The following NRXN3 variants were observed in gnomAD, a reference collection of about 807,000 sequenced individuals.
NRXN3 encodes the protein neurexin 3.
A neutral mutation model predicts 137.6 loss-of-function variants in NRXN3; 32 were observed. That is an observed-to-expected ratio of 0.23 (90% CI 0.18 to 0.31). NRXN3 has a LOEUF of 0.31. Among genes scored for constraint, NRXN3 ranks in the 10% least tolerant of loss-of-function variants. The probability of loss-of-function intolerance (pLI) is 1.00; values close to 1 mark genes in which losing one functional copy is unlikely to be tolerated. For synonymous variants in NRXN3, 798 were observed against 784.5 expected (o/e 1.02, Z -0.29); for missense variants, 1,574 against 2,062.5 (o/e 0.76, Z 4.59).
At chr14:78,252,142 T>G (rs2068728229) in intron 2 of NRXN3, among the ~76,000 whole-genome samples, 1 of 152,050 alleles carries the variant, frequency 6.6e-6, no homozygotes, top group Non-Finnish European at 1.5e-5. Flanking sequence ...ATAATGTATT[T>G]TCCAAAGTTT....
At chr14:79,242,791 TCTG>T (rs1283581285) in intron 15 of NRXN3, among the ~76,000 whole-genome samples, 9 of 152,166 alleles carry the variant, frequency 5.9e-5, no homozygotes, top group African/African-American at 1.9e-4. Flanking sequence ...TGTTACAGCA[TCTG>T]CCTGGAAGAT....
intron 4 of NRXN3, among the ~76,000 whole-genome samples, chr14:78,443,957 A>T (rs369898197): frequency 6.6e-6 from 1 of 152,218 alleles, no homozygotes; most frequent in Non-Finnish European, 1.5e-5. Flanking sequence ...AAAGGCAAAA[A>T]CAGCAATGAC....
chr14:79,137,601 A>G (rs990689816), intron 15 of NRXN3, among the ~76,000 whole-genome samples: 1 of 152,186 alleles, frequency 6.6e-6, no homozygotes, highest in African/African-American at 2.4e-5. Flanking sequence ...CCTATGGTAC[A>G]TTACAGTTTT....
At chr14:79,360,887 T>G (rs1212606392) in intron 15 of NRXN3, among the ~76,000 whole-genome samples, 2 of 152,246 alleles carry the variant, frequency 1.3e-5, no homozygotes, top group African/African-American at 2.4e-5. Flanking sequence ...TAAGATAATG[T>G]GTGAACAATC....
At chr14:79,364,695 C>T (rs1245139615) in intron 15 of NRXN3, among the ~76,000 whole-genome samples, 1 of 152,108 alleles carries the variant, frequency 6.6e-6, no homozygotes, top group African/African-American at 2.4e-5. Flanking sequence ...AAAGAGAGCC[C>T]TCAAAAATAT....
chr14:78,389,089 T>A (rs2090400283), intron 4 of NRXN3, among the ~76,000 whole-genome samples: 1 of 150,874 alleles, frequency 6.6e-6, no homozygotes, highest in Non-Finnish European at 1.5e-5. Flanking sequence ...ACGGAGTTGC[T>A]CTGTTGCCCA....
At chr14:78,493,740 A>T (rs552848602) in intron 4 of NRXN3, among the ~76,000 whole-genome samples, 21 of 152,230 alleles carry the variant, frequency 1.4e-4, no homozygotes, top group African/African-American at 4.8e-4. Flanking sequence ...TATAGCAAAA[A>T]GGAATTTAAA....
chr14:78,915,001 A>G (rs370660115), intron 10 of NRXN3, among the ~76,000 whole-genome samples: 72 of 152,256 alleles, frequency 4.7e-4, no homozygotes, highest in African/African-American at 1.7e-3. Context: ...CCAGTAATAG[A>G]GGAGAAAGCA....
intron 15 of NRXN3, among the ~76,000 whole-genome samples, chr14:79,438,011 C>T (rs141443632): frequency 1.4e-4 from 22 of 152,292 alleles, no homozygotes; most frequent in Middle Eastern, 6.8e-3. Context: ...CAGGCCTCAG[C>T]GTGGCTTCTC....
intron 15 of NRXN3, among the ~76,000 whole-genome samples, chr14:79,301,192 T>A (rs188221062): frequency 9.1e-4 from 139 of 152,240 alleles, no homozygotes; most frequent in Non-Finnish European, 8.2e-4. Context: ...GGTGTCGTCA[T>A]TGCAACAAAG....
At chr14:79,274,096 C>A (rs868675499) in intron 15 of NRXN3, among the ~76,000 whole-genome samples, 4 of 141,634 alleles carry the variant, frequency 2.8e-5, no homozygotes, top group Admixed American at 7.0e-5. Flanking sequence ...AGCAAGACTC[C>A]GTCTCAAAAA....
intron 4 of NRXN3, among the ~76,000 whole-genome samples, chr14:78,546,713 T>C (rs1417846897): frequency 6.6e-6 from 1 of 152,322 alleles, no homozygotes; most frequent in East Asian, 1.9e-4. Flanking sequence ...ATGATAATGA[T>C]AATAACAATA....
intron 4 of NRXN3, among the ~76,000 whole-genome samples, chr14:78,587,571 A>G (rs1274383841): frequency 6.6e-6 from 1 of 152,238 alleles, no homozygotes; most frequent in Non-Finnish European, 1.5e-5. Context: ...AGATTCTTCT[A>G]AAAGATTCCC....
intron 15 of NRXN3, among the ~76,000 whole-genome samples, chr14:79,403,109 G>A (rs1392667839): frequency 1.3e-5 from 2 of 152,070 alleles, no homozygotes; most frequent in African/African-American, 4.8e-5. Flanking sequence ...AAAACCATAG[G>A]CTATGGGAGT....
At position 78,832,834 on chromosome 14, in the gene NRXN3, G is replaced by A. The variant is rs572024183; in HGVS notation, c.2275+22490G>A. ...TTCCTTAGAGAACTCATCTTGTTAT[G>A]TAGGACTGAAGAGGAGCTTGGATGT... is the stretch of plus-strand genomic sequence containing the variant. On this transcript the variant is annotated intron_variant, in intron 10 of 20. Coordinates refer to ENST00000335750, the MANE Select transcript of NRXN3 (RefSeq NM_001330195.2). Among the ~76,000 whole-genome samples, 19 of 152,284 alleles carry A rather than the reference G, an allele frequency of 1.2e-4. No individual in the cohort carries two copies. In the South Asian group the frequency reaches 3.7e-3, roughly 30 times the overall value.
At chr14:79,808,172 G>T (rs901873716) in intron 20 of NRXN3, among the ~76,000 whole-genome samples, 1 of 150,754 alleles carries the variant, frequency 6.6e-6, no homozygotes, top group Non-Finnish European at 1.5e-5. Flanking sequence ...GGGAGGCAGA[G>T]GTTGCAGGGA....
chr14:79,751,026 T>C (rs1311429052), intron 19 of NRXN3, among the ~76,000 whole-genome samples: 1 of 152,146 alleles, frequency 6.6e-6, no homozygotes, highest in Non-Finnish European at 1.5e-5. Context: ...CTTTGTTCTT[T>C]TGGCTTAGGA....
chr14:79,128,153 T>G (rs1475597989), intron 15 of NRXN3, among the ~76,000 whole-genome samples: 83 of 139,684 alleles, frequency 5.9e-4, no homozygotes, highest in African/African-American at 2.2e-3. Context: ...CTTTTCCTAA[T>G]TGAATACCCT....
chr14:79,412,070 A>C (rs572702136), intron 15 of NRXN3, among the ~76,000 whole-genome samples: 1 of 152,250 alleles, frequency 6.6e-6, no homozygotes, highest in Non-Finnish European at 1.5e-5. Flanking sequence ...ATGGTGGTTA[A>C]TCTACATGTC....
Sources: allele counts gnomAD v4.1 joint callset (sites outside exome capture counted in the v4.1 genomes callset), GRCh38; gene constraint gnomAD v4.1.1; transcripts MANE v1.5; gene names NCBI Gene and HGNC (gene_info 2026-07-23, HGNC 2026-07-21).